TRABD2B: variants seen among roughly 807,000 people sequenced by gnomAD.
TRABD2B encodes TraB domain containing 2B.
A neutral mutation model predicts 40.1 loss-of-function variants in TRABD2B; 14 were observed. The observed-to-expected ratio is 0.35, with a 90% CI of 0.23 to 0.55. TRABD2B has a LOEUF of 0.55. Among genes scored for constraint, TRABD2B ranks in the 20% least tolerant of loss-of-function variants. The pLI, the probability that TRABD2B is intolerant of heterozygous loss-of-function variation, is 0.90. For missense variants in TRABD2B, 541 were observed against 648.6 expected, an observed-to-expected ratio of 0.83 and a Z score of 1.80; for synonymous variants, 263 against 277.0, an observed-to-expected ratio of 0.95 and a Z score of 0.50.
chr1:47,891,307 G>A (rs938704215), intron 2 of TRABD2B, among the ~76,000 whole-genome samples: 1 of 152,118 alleles, frequency 6.6e-6, no homozygotes, highest in African/African-American at 2.4e-5. Flanking sequence ...AAATATACAC[G>A]CCATGTAGGA....
At chr1:47,852,807 C>T (rs1328470049) in intron 2 of TRABD2B, among the ~76,000 whole-genome samples, 2 of 152,034 alleles carry the variant, frequency 1.3e-5, no homozygotes, top group African/African-American at 2.4e-5. Flanking sequence ...CAAGTGTCTT[C>T]GACTGAAGAA....
At chr1:47,857,836 G>A (rs1643909950) in intron 2 of TRABD2B, among the ~76,000 whole-genome samples, 1 of 151,926 alleles carries the variant, frequency 6.6e-6, no homozygotes, top group Non-Finnish European at 1.5e-5. Context: ...TGCTAATAAT[G>A]TCTGTGTGCA....
intron 2 of TRABD2B, among the ~76,000 whole-genome samples, chr1:47,941,630 G>C (rs768985829): frequency 1.3e-5 from 2 of 152,202 alleles, no homozygotes; most frequent in Non-Finnish European, 2.9e-5. Flanking sequence ...TAATCACCTT[G>C]CCTACCTCTC....
At chr1:47,956,365 A>T (rs952584656) in intron 2 of TRABD2B, among the ~76,000 whole-genome samples, 1 of 152,188 alleles carries the variant, frequency 6.6e-6, no homozygotes, top group Non-Finnish European at 1.5e-5. Flanking sequence ...CTTGTCGGAC[A>T]GTGGGTGCAG....
intron 2 of TRABD2B, among the ~76,000 whole-genome samples, chr1:47,911,964 GTAA>G (rs1490139091): frequency 6.6e-6 from 1 of 152,232 alleles, no homozygotes; most frequent in Non-Finnish European, 1.5e-5. Context: ...TGGAGTGAAT[GTAA>G]TCAGTGTGGA....
intron 2 of TRABD2B, among the ~76,000 whole-genome samples, chr1:47,833,630 T>C (rs905260976): frequency 1.3e-5 from 2 of 152,224 alleles, no homozygotes; most frequent in Non-Finnish European, 2.9e-5. Flanking sequence ...ACCTTAATCA[T>C]GCCCTTCTGA....
chr1:47,772,287 G>T (rs1246069413), intron 6 of TRABD2B, among the ~76,000 whole-genome samples: 1 of 151,988 alleles, frequency 6.6e-6, no homozygotes, highest in African/African-American at 2.4e-5. Context: ...CACAGCAGGG[G>T]AAGCTTGACA....
intron 6 of TRABD2B, among the ~76,000 whole-genome samples, chr1:47,768,330 TGGG>T (rs60319904): frequency 6.6e-6 from 1 of 151,514 alleles, no homozygotes; most frequent in Non-Finnish European, 1.5e-5. Flanking sequence ...TGTGTGGAAG[TGGG>T]GGGGGAGGGC....
At chr1:47,957,855 A>G (rs1645447638) in intron 2 of TRABD2B, among the ~76,000 whole-genome samples, 1 of 152,200 alleles carries the variant, frequency 6.6e-6, no homozygotes, top group South Asian at 2.1e-4. Context: ...GTAAATACAG[A>G]GACCACCACG....
At chr1:47,938,907 A>G (rs1645149025) in intron 2 of TRABD2B, among the ~76,000 whole-genome samples, 1 of 145,138 alleles carries the variant, frequency 6.9e-6, no homozygotes, top group Admixed American at 7.1e-5. Context: ...AATCTCATAC[A>G]CAGAAAAGTA....
chr1:47,993,318 T>C (rs777708282), intron 2 of TRABD2B, among the ~76,000 whole-genome samples: 1 of 152,224 alleles, frequency 6.6e-6, no homozygotes, highest in Non-Finnish European at 1.5e-5. Flanking sequence ...TTTTGCTCTA[T>C]CAGATCTCTG....
chr1:47,776,986 GC>G (rs572800924), intron 5 of TRABD2B, among the ~76,000 whole-genome samples: 52 of 152,224 alleles, frequency 3.4e-4, no homozygotes, highest in African/African-American at 6.3e-4. Flanking sequence ...CAGCATTCCC[GC>G]CCCCCTCCGC....
intron 6 of TRABD2B, among the ~76,000 whole-genome samples, chr1:47,772,697 TCTC>T (rs1039133179): frequency 6.6e-6 from 1 of 152,068 alleles, no homozygotes; most frequent in Non-Finnish European, 1.5e-5. Flanking sequence ...CCCAGAGAGC[TCTC>T]ATCTGCTTCT....
At chr1:47,961,043 T>G (rs1645506568) in intron 2 of TRABD2B, among the ~76,000 whole-genome samples, 1 of 152,078 alleles carries the variant, frequency 6.6e-6, no homozygotes, top group African/African-American at 2.4e-5. Context: ...AACAGAGCCC[T>G]CAGAAATAAT....
At chr1:47,864,045 C>T (rs1042512365) in intron 2 of TRABD2B, among the ~76,000 whole-genome samples, 4 of 151,950 alleles carry the variant, frequency 2.6e-5, no homozygotes, top group Non-Finnish European at 2.9e-5. Context: ...TTCTGGAAAA[C>T]GCAACAAAAC....
At chr1:47,949,401 C>CTTTTTTTTTTTTTTT (rs35027686) in intron 2 of TRABD2B, among the ~76,000 whole-genome samples, 1 of 80,280 alleles carries the variant, frequency 1.2e-5, no homozygotes, top group Non-Finnish European at 2.3e-5. Flanking sequence ...TCTTTTCTTT[C>CTTTTTTTTTTTTTTT]TTTTTTTTTT....
At chr1:47,891,718 CT>C (rs1394851889) in intron 2 of TRABD2B, among the ~76,000 whole-genome samples, 2 of 152,126 alleles carry the variant, frequency 1.3e-5, no homozygotes, top group Non-Finnish European at 2.9e-5. Context: ...GGAAAGACTG[CT>C]TGAGCATGGG....
At chr1:47,916,637 T>C (rs535961901) in intron 2 of TRABD2B, among the ~76,000 whole-genome samples, 12 of 152,292 alleles carry the variant, frequency 7.9e-5, no homozygotes, top group African/African-American at 2.2e-4. Context: ...TTTCTGCACA[T>C]TGGCTGAATG....
chr1:47,923,747 A>T lies in TRABD2B; in HGVS notation c.666+70287T>A, dbSNP rs151144761. Among the ~76,000 whole-genome samples the T allele has an allele frequency of 1.8e-4, 27 of 151,604 alleles. No homozygotes were observed. In the East Asian group the frequency reaches 4.3e-3, roughly 24 times the overall value. On this transcript the variant is annotated intron_variant, in intron 2 of 6. Transcript: ENST00000606738. Reference sequence around the variant, plus strand: ...TGAAGGCTTTAAGAGAAAAAGCCTGACCTCCCTCAAGGGAGAGGGAATTCT... The same window carrying T: ...TGAAGGCTTTAAGAGAAAAAGCCTGTCCTCCCTCAAGGGAGAGGGAATTCT...
Sources: gnomAD v4.1 joint callset for allele counts (sites outside exome capture counted in the v4.1 genomes callset) on GRCh38, gnomAD v4.1.1 for gene constraint, MANE v1.5 for transcripts, NCBI Gene and HGNC (gene_info 2026-07-23, HGNC 2026-07-21) for gene names.